The following PAX5 variants were observed in gnomAD, a reference collection of about 807,000 sequenced individuals.
The protein encoded by PAX5 is paired box protein Pax-5.
Under a neutral mutation model 43.7 loss-of-function variants are expected in PAX5, and 9 were observed. The ratio of observed to expected loss-of-function variants is 0.21; its 90% CI spans 0.12 to 0.36. The LOEUF (loss-of-function observed/expected upper bound fraction) is 0.36. Among genes scored for constraint, PAX5 ranks in the 10% least tolerant of loss-of-function variants. PAX5 has a pLI of 1.00. For missense variants in PAX5, 383 were observed against 532.7 expected (o/e 0.72, Z 2.77); for synonymous variants, 228 against 214.3 (o/e 1.06, Z -0.56).
intron 6 of PAX5, among the ~76,000 whole-genome samples, chr9:36,934,457 T>G (rs1396850662): frequency 3.9e-5 from 6 of 152,246 alleles, no homozygotes; most frequent in Non-Finnish European, 1.5e-5. Context: ...TGTACTATAG[T>G]TTTACAAGAT....
At chr9:36,929,955 A>G (rs1325889427) in intron 6 of PAX5, among the ~76,000 whole-genome samples, 3 of 151,868 alleles carry the variant, frequency 2.0e-5, no homozygotes, top group Non-Finnish European at 4.4e-5. Context: ...TGAACTTCTG[A>G]CCTCAGATGA....
At chr9:37,023,363 T>C (rs896491165) in intron 1 of PAX5, among the ~76,000 whole-genome samples, 4 of 152,152 alleles carry the variant, frequency 2.6e-5, no homozygotes, top group African/African-American at 4.8e-5. Flanking sequence ...CTGCATCTTC[T>C]TGGAGAACCC....
At position 36,986,446 on chromosome 9, in the gene PAX5, A is replaced by C. The variant is rs375760913; in HGVS notation, c.604+16202T>G. 6.6e-3 allele frequency among the ~76,000 whole-genome samples: 1,003 copies of C among 151,876 alleles called. 8 individuals carry two copies. The highest frequency in any genetic ancestry group is 0.023 in the African/African-American group (942 of 41,480). On this transcript the variant is annotated intron_variant, in intron 5 of 9. Transcript: ENST00000358127. ...TTAGACTGATTGGCTTCCTGCCGCC[A>C]ATGTCAATTAAATTGCAAATGCTTG...
intron 5 of PAX5, among the ~76,000 whole-genome samples, chr9:36,980,049 G>A (rs1835777143): frequency 1.3e-5 from 2 of 152,144 alleles, no homozygotes; most frequent in African/African-American, 4.8e-5. Flanking sequence ...AACTCCTATC[G>A]ACAGAGAAGA....
At chr9:36,851,014 G>A (rs999694079) in intron 8 of PAX5, among the ~76,000 whole-genome samples, 4 of 152,324 alleles carry the variant, frequency 2.6e-5, no homozygotes, top group South Asian at 2.1e-4. Context: ...GCATTCCTGC[G>A]GCGGGGCTGA....
At chr9:36,951,039 T>C (rs1391530542) in intron 6 of PAX5, among the ~76,000 whole-genome samples, 1 of 151,996 alleles carries the variant, frequency 6.6e-6, no homozygotes, top group Non-Finnish European at 1.5e-5. Context: ...ACTGCATGAA[T>C]TTTCTTTTCT....
At chr9:37,016,003 A>C (rs114743218) in intron 2 of PAX5, among the ~76,000 whole-genome samples, 125 of 152,376 alleles carry the variant, frequency 8.2e-4, no homozygotes, top group African/African-American at 2.9e-3. Context: ...TATCTCCAAC[A>C]GTTCTAAAGC....
intron 7 of PAX5, among the ~76,000 whole-genome samples, chr9:36,910,815 GC>G (rs1475670393): frequency 6.6e-6 from 1 of 152,148 alleles, no homozygotes; most frequent in Admixed American, 6.5e-5. Context: ...GAGTCAGGCC[GC>G]CGGACCTCTA....
At chr9:36,998,023 G>A (rs1045448065) in intron 5 of PAX5, among the ~76,000 whole-genome samples, 5 of 152,208 alleles carry the variant, frequency 3.3e-5, no homozygotes, top group African/African-American at 4.8e-5. Context: ...TTTGTCCAGC[G>A]CCTGCTCACA....
intron 9 of PAX5, among the ~76,000 whole-genome samples, chr9:36,843,254 G>A (rs996989101): frequency 1.3e-5 from 2 of 152,170 alleles, no homozygotes; most frequent in East Asian, 3.8e-4. Flanking sequence ...CAGATGTCAC[G>A]AATAACCCAT....
chr9:36,869,923 GATGGATGGATGGATAA>G (rs1325335451), intron 8 of PAX5, among the ~76,000 whole-genome samples: 22 of 144,642 alleles, frequency 1.5e-4, no homozygotes, highest in East Asian at 1.0e-3. Context: ...TGGATGGATG[GATGGATGGATGGATAA>G]ATGGATGGAT....
chr9:36,929,060 C>A (rs1830891653), intron 6 of PAX5, among the ~76,000 whole-genome samples: 1 of 152,232 alleles, frequency 6.6e-6, no homozygotes, highest in Non-Finnish European at 1.5e-5. Flanking sequence ...GCTCCTGCCA[C>A]AATGATCTTC....
intron 1 of PAX5, among the ~76,000 whole-genome samples, chr9:37,029,613 G>C (rs1381335421): frequency 2.0e-5 from 3 of 152,220 alleles, no homozygotes; most frequent in South Asian, 4.1e-4. Flanking sequence ...ACCCGATGGC[G>C]CCCAGTGGGT....
intron 6 of PAX5, among the ~76,000 whole-genome samples, chr9:36,935,420 A>C (rs187392219): frequency 4.9e-4 from 75 of 152,090 alleles, no homozygotes; most frequent in Non-Finnish European, 9.0e-4. Context: ...TTGCAGCAGA[A>C]TTGAAGGGCT....
chr9:36,915,994 G>A (rs1048834890), intron 7 of PAX5, among the ~76,000 whole-genome samples: 1 of 151,488 alleles, frequency 6.6e-6, no homozygotes, highest in African/African-American at 2.4e-5. Flanking sequence ...TCACTAGGAG[G>A]TTGAGGCTGC....
intron 6 of PAX5, among the ~76,000 whole-genome samples, chr9:36,929,358 G>A (rs1830944812): frequency 6.6e-6 from 1 of 152,168 alleles, no homozygotes; most frequent in African/African-American, 2.4e-5. Context: ...TCTTTTCCTG[G>A]TAACAACGGC....
intron 8 of PAX5, among the ~76,000 whole-genome samples, chr9:36,878,471 G>A (rs1164148873): frequency 6.6e-6 from 1 of 152,236 alleles, no homozygotes; most frequent in Non-Finnish European, 1.5e-5. Flanking sequence ...CTGAGCAGGT[G>A]AGGTTTGCAT....
At chr9:36,976,312 A>G (rs1332425547) in intron 5 of PAX5, among the ~76,000 whole-genome samples, 1 of 152,230 alleles carries the variant, frequency 6.6e-6, no homozygotes, top group African/African-American at 2.4e-5. Flanking sequence ...CAGAGCTTCT[A>G]TTCTCTGCAT....
chr9:36,930,866 A>T (rs531653802), intron 6 of PAX5: 2 of 1,308,574 alleles, frequency 1.5e-6, no homozygotes, highest in South Asian at 2.5e-5. Context: ...ACTGGGCATC[A>T]TTTGGGTCCC....
Sources: allele counts gnomAD v4.1 joint callset (sites outside exome capture counted in the v4.1 genomes callset), GRCh38; gene constraint gnomAD v4.1.1; transcripts MANE v1.5; gene names NCBI Gene and HGNC (gene_info 2026-07-23, HGNC 2026-07-21).